SHISA9: variants seen among roughly 807,000 people sequenced by gnomAD.
SHISA9 encodes shisa family member 9, also known as protein shisa-9.
In SHISA9, 13 loss-of-function variants were observed where a neutral mutation model predicts 38.0. The ratio of observed to expected loss-of-function variants is 0.34; its 90% CI spans 0.22 to 0.54. The LOEUF is 0.54. SHISA9 is among the 20% of genes least tolerant of loss of function. The pLI, the probability that SHISA9 is intolerant of heterozygous loss-of-function variation, is 0.91. For missense variants in SHISA9, 538 were observed against 575.8 expected (o/e 0.93, Z 0.67); for synonymous variants, 275 against 242.0 (o/e 1.14, Z -1.27).
chr16:13,142,989 C>CTTTTATTTTATTTTA (rs3075119), intron 2 of SHISA9, among the ~76,000 whole-genome samples: 19,729 of 141,188 alleles, frequency 0.14, 1,857 homozygotes, highest in African/African-American at 0.23. Context: ...TAGCTGTTTC[C>CTTTTATTTTATTTTA]TTTTATTTTA....
intron 2 of SHISA9, among the ~76,000 whole-genome samples, chr16:12,987,579 C>T (rs1207548424): frequency 6.6e-6 from 1 of 152,096 alleles, no homozygotes; most frequent in Non-Finnish European, 1.5e-5. Flanking sequence ...GAACAACACA[C>T]ACCAGGGCCT....
At chr16:13,558,259 T>C in the SHISA9 span, among the ~76,000 whole-genome samples, 1 of 152,196 alleles carries the variant, frequency 6.6e-6, no homozygotes, top group African/African-American at 2.4e-5. Flanking sequence ...TAAAATCCTT[T>C]CTAGCATTCA....
intron 2 of SHISA9, among the ~76,000 whole-genome samples, chr16:13,060,192 C>T (rs1401933716): frequency 6.6e-6 from 1 of 152,158 alleles, no homozygotes; most frequent in Non-Finnish European, 1.5e-5. Flanking sequence ...CCCCGATGTG[C>T]CACATTATTG....
the SHISA9 span, among the ~76,000 whole-genome samples, chr16:13,463,747 TCGA>T: frequency 6.6e-6 from 1 of 152,186 alleles, no homozygotes; most frequent in South Asian, 2.1e-4. Context: ...TCAGGAAATA[TCGA>T]GCAAATGGGC....
chr16:12,917,085 T>C (rs141634503), intron 2 of SHISA9, among the ~76,000 whole-genome samples: 1 of 152,354 alleles, frequency 6.6e-6, no homozygotes, highest in East Asian at 1.9e-4. Context: ...TCTTGATTGA[T>C]TTATTAACTA....
At chr16:13,271,618 A>C in the SHISA9 span, among the ~76,000 whole-genome samples, 1 of 152,200 alleles carries the variant, frequency 6.6e-6, no homozygotes, top group Non-Finnish European at 1.5e-5. Context: ...GTAAAGTGAA[A>C]AAGAAAAGAA....
chr16:13,112,853 G>A (rs189802657), intron 2 of SHISA9, among the ~76,000 whole-genome samples: 22 of 151,986 alleles, frequency 1.4e-4, no homozygotes, highest in Non-Finnish European at 2.9e-4. Flanking sequence ...AACTAAATCC[G>A]GTGTCACTTA....
chr16:13,356,677 C>G, the SHISA9 span, among the ~76,000 whole-genome samples: 2 of 152,038 alleles, frequency 1.3e-5, no homozygotes, highest in South Asian at 4.2e-4. Flanking sequence ...ATTAGAAAGA[C>G]TCAGCGACGC....
At chr16:13,532,548 C>CGTGTGTGTGTGT in the SHISA9 span, among the ~76,000 whole-genome samples, 2 of 80,668 alleles carry the variant, frequency 2.5e-5, no homozygotes, top group African/African-American at 1.1e-4. Flanking sequence ...ATACTATGTG[C>CGTGTGTGTGTGT]GTGTGTGTAT....
intron 2 of SHISA9, among the ~76,000 whole-genome samples, chr16:12,942,869 G>A (rs1268249158): frequency 1.3e-5 from 2 of 152,078 alleles, no homozygotes; most frequent in Non-Finnish European, 2.9e-5. Flanking sequence ...TTATTGGGAC[G>A]TGTCTCTCAC....
chr16:13,177,826 T>C (rs1293215230), intron 2 of SHISA9, among the ~76,000 whole-genome samples: 1 of 152,110 alleles, frequency 6.6e-6, no homozygotes, highest in Non-Finnish European at 1.5e-5. Context: ...ATCGCCACCA[T>C]ACCTGGCTAA....
At chr16:13,438,655 A>T in the SHISA9 span, among the ~76,000 whole-genome samples, 1 of 152,172 alleles carries the variant, frequency 6.6e-6, no homozygotes, top group Non-Finnish European at 1.5e-5. Flanking sequence ...AAATAGGGGG[A>T]AAATAATCAT....
At chr16:13,084,458 G>T (rs915520076) in intron 2 of SHISA9, among the ~76,000 whole-genome samples, 6 of 152,182 alleles carry the variant, frequency 3.9e-5, no homozygotes, top group African/African-American at 1.4e-4. Context: ...GTGAGCTCAG[G>T]TGCCTTAGAG....
chr16:13,153,712 AG>A (rs1167209742), intron 2 of SHISA9, among the ~76,000 whole-genome samples: 1 of 152,200 alleles, frequency 6.6e-6, no homozygotes, highest in African/African-American at 2.4e-5. Context: ...GATGTTTGCC[AG>A]TCTTCTCTGG....
the SHISA9 span, among the ~76,000 whole-genome samples, chr16:13,352,456 G>C: frequency 2.6e-5 from 4 of 152,228 alleles, no homozygotes; most frequent in East Asian, 7.7e-4. Flanking sequence ...ATTATCAGTG[G>C]TTGCCGTAGG....
intron 2 of SHISA9, among the ~76,000 whole-genome samples, chr16:12,989,843 G>A (rs146726457): frequency 3.9e-4 from 59 of 152,222 alleles, no homozygotes; most frequent in African/African-American, 1.3e-3. Context: ...ATGGATAAAC[G>A]TGTGCCATGG....
chr16:12,971,943 A>ATT lies in SHISA9; in HGVS notation c.691+55128_691+55129insTT. Among the ~76,000 whole-genome samples the ATT allele has an allele frequency of 2.0e-5, 3 of 152,174 alleles. No homozygotes were observed. The South Asian group carries it at 6.2e-4, about 32-fold the overall frequency. ...TGCATTGTAGTCTAATTAGTCCACA[A>ATT]AAATTTCTCTTGCATGCTTAATCTA... On this transcript the variant is annotated intron_variant, in intron 2 of 4. Transcript: ENST00000558583.
intron 2 of SHISA9, among the ~76,000 whole-genome samples, chr16:13,006,023 C>A (rs1009423732): frequency 6.6e-6 from 1 of 152,110 alleles, no homozygotes; most frequent in African/African-American, 2.4e-5. Flanking sequence ...CATGTGTGTC[C>A]CTGCAGCTTG....
the SHISA9 span, among the ~76,000 whole-genome samples, chr16:13,384,579 C>G: frequency 6.6e-6 from 1 of 152,122 alleles, no homozygotes; most frequent in Non-Finnish European, 1.5e-5. Flanking sequence ...TACTCTGGAC[C>G]TCAGGCTACA....
Sources: allele counts gnomAD v4.1 joint callset (sites outside exome capture counted in the v4.1 genomes callset), GRCh38; gene constraint gnomAD v4.1.1; transcripts MANE v1.5; gene names NCBI Gene and HGNC (gene_info 2026-07-23, HGNC 2026-07-21).